Variants in CYSLTR2 observed in about 807,000 individuals in gnomAD.
The protein encoded by CYSLTR2 is cysteinyl leukotriene receptor 2, also known as G-protein coupled receptor GPCR21.
For synonymous variants in CYSLTR2, 179 were observed against 160.8 expected, an observed-to-expected ratio of 1.11 and a Z score of -0.86; for missense variants, 398 against 411.9, an observed-to-expected ratio of 0.97 and a Z score of 0.29.
chr13:48,690,716 T>C (rs535365372), intron 1 of CYSLTR2, among the ~76,000 whole-genome samples: 2 of 152,314 alleles, frequency 1.3e-5, no homozygotes, highest in East Asian at 3.9e-4. Flanking sequence ...TGAAATTTTC[T>C]TTTTTTGTTG....
intron 1 of CYSLTR2, among the ~76,000 whole-genome samples, chr13:48,685,039 T>C (rs1342974630): frequency 6.6e-6 from 1 of 152,334 alleles, no homozygotes; most frequent in African/African-American, 2.4e-5. Flanking sequence ...ATTAGTCCAT[T>C]CTCACACTGC....
intron 1 of CYSLTR2, among the ~76,000 whole-genome samples, chr13:48,666,361 T>C (rs1239175461): frequency 6.6e-6 from 1 of 152,176 alleles, no homozygotes; most frequent in African/African-American, 2.4e-5. Context: ...ACAGTGTAAG[T>C]GTAATGTGAC....
At chr13:48,682,604 A>G (rs1401393072) in intron 1 of CYSLTR2, among the ~76,000 whole-genome samples, 3 of 152,168 alleles carry the variant, frequency 2.0e-5, no homozygotes, top group Non-Finnish European at 2.9e-5. Flanking sequence ...GTCAACTCAG[A>G]AATAGGTTTG....
At chr13:48,680,058 T>G (rs1953707384) in intron 1 of CYSLTR2, among the ~76,000 whole-genome samples, 1 of 152,234 alleles carries the variant, frequency 6.6e-6, no homozygotes, top group African/African-American at 2.4e-5. Flanking sequence ...TGATGCAAAG[T>G]GCACCAACCT....
intron 4 of CYSLTR2, among the ~76,000 whole-genome samples, chr13:48,697,912 T>G (rs187668891): frequency 1.4e-3 from 209 of 152,180 alleles, no homozygotes; most frequent in African/African-American, 4.7e-3. Flanking sequence ...GGAAGAAAGG[T>G]TATCAGTGAT....
At chr13:48,706,769 A>C in intron 4 of CYSLTR2, 48 bp from the exon 5 acceptor site, 1 of 1,450,262 alleles carries the variant, frequency 6.9e-7, no homozygotes, top group Non-Finnish European at 9.5e-7. Context: ...AGAAGGAAAA[A>C]GGGAAATTCA....
chr13:48,696,903 C>T (rs1290221720), intron 4 of CYSLTR2, among the ~76,000 whole-genome samples: 3 of 152,254 alleles, frequency 2.0e-5, no homozygotes, highest in Non-Finnish European at 2.9e-5. Flanking sequence ...CACGGAGCCT[C>T]GCTCACTGCT....
At chr13:48,660,649 G>A (rs2138808688) in intron 1 of CYSLTR2, among the ~76,000 whole-genome samples, 1 of 152,140 alleles carries the variant, frequency 6.6e-6, no homozygotes, top group Middle Eastern at 3.4e-3. Context: ...CTGTGTTTCT[G>A]TTTTGATCTC....
chr13:48,707,896 T>A lies in CYSLTR2; in HGVS notation c.*38T>A. On this transcript the variant is annotated 3_prime_UTR_variant, in exon 5 of 5. Coordinates refer to ENST00000682523, the MANE Select transcript of CYSLTR2 (RefSeq NM_001308476.3). The stretch of plus-strand genomic sequence containing the variant: ...TGAGACCTGTTCTTGTATCCTTGTG[T>A]CCATCTTCATTCACTCATAGTCTCC... The A allele has an allele frequency of 6.9e-7, 1 of 1,452,930 alleles. No homozygotes were observed. Among genetic ancestry groups the A allele is most frequent in the African/African-American group, 1.4e-5 (1 of 70,758 alleles). 90.0% of individuals were successfully genotyped at this position (1,452,930 alleles called of 1,614,324 possible). A position where few individuals can be genotyped will look rare whatever the true frequency, so the allele number is the denominator to read the frequency against.
Position 48,707,802 on chromosome 13 carries a change from A to C in CYSLTR2, c.985A>C (p.Lys329Gln). The C allele has an allele frequency of 3.2e-6, 5 of 1,556,036 alleles. No homozygotes were observed. Among genetic ancestry groups the C allele is most frequent in the Non-Finnish European group, 4.3e-6 (5 of 1,152,626 alleles). The change falls in exon 5 of 5, where the codon AAG becomes CAG. Residue 329 changes from lysine to glutamine, a missense_variant. Lys to Gln is a moderately conservative substitution (Grantham distance 53). Transcript: ENST00000682523. ...CAGAAAAGGCCATCCACAGAAGGCAAAGACAAAGTGTGTTTTCCCTGTTAG... is the reference window on the plus strand; with the variant it reads ...CAGAAAAGGCCATCCACAGAAGGCACAGACAAAGTGTGTTTTCCCTGTTAG... ...ALRKGHPQKA[K>Q]TKCVFPVSVW... is the part of the protein sequence containing the mutation.
chr13:48,684,632 A>G (rs1333538141), intron 1 of CYSLTR2, among the ~76,000 whole-genome samples: 1 of 152,032 alleles, frequency 6.6e-6, no homozygotes, highest in Non-Finnish European at 1.5e-5. Flanking sequence ...ATATAATACA[A>G]CAACTCTATG....
At chr13:48,667,850 G>A (rs1329886232) in intron 1 of CYSLTR2, among the ~76,000 whole-genome samples, 1 of 152,160 alleles carries the variant, frequency 6.6e-6, no homozygotes, top group Non-Finnish European at 1.5e-5. Flanking sequence ...CAGATTGCAG[G>A]GTGGGGTATT....
At chr13:48,687,772 A>G (rs1344396166) in intron 1 of CYSLTR2, among the ~76,000 whole-genome samples, 1 of 152,198 alleles carries the variant, frequency 6.6e-6, no homozygotes, top group Non-Finnish European at 1.5e-5. Flanking sequence ...AAACAACTGA[A>G]ATTCTCTAAC....
At chr13:48,690,139 AAGG>A (rs948772301) in intron 1 of CYSLTR2, among the ~76,000 whole-genome samples, 1 of 151,934 alleles carries the variant, frequency 6.6e-6, no homozygotes. Context: ...TGCTTTGCTG[AAGG>A]AGTTTTTGGG....
At chr13:48,694,052 G>C (rs1954103163) in intron 3 of CYSLTR2, among the ~76,000 whole-genome samples, 1 of 152,180 alleles carries the variant, frequency 6.6e-6, no homozygotes, top group Non-Finnish European at 1.5e-5. Flanking sequence ...GCAGTTTTAG[G>C]TTGAGTGGAG....
At chr13:48,699,503 G>A (rs1480057468) in intron 4 of CYSLTR2, among the ~76,000 whole-genome samples, 4 of 152,200 alleles carry the variant, frequency 2.6e-5, no homozygotes, top group Non-Finnish European at 5.9e-5. Flanking sequence ...CAGAATCTCT[G>A]GGACAATTTA....
intron 1 of CYSLTR2, among the ~76,000 whole-genome samples, chr13:48,683,006 T>A (rs957488874): frequency 7.0e-4 from 107 of 152,198 alleles, no homozygotes; most frequent in African/African-American, 2.4e-3. Context: ...TATGTAAGTT[T>A]GCTAAGGATA....
chr13:48,697,112 A>G (rs1299961334), intron 4 of CYSLTR2, among the ~76,000 whole-genome samples: 3 of 152,178 alleles, frequency 2.0e-5, no homozygotes, highest in South Asian at 4.1e-4. Context: ...AAGGCAGCAG[A>G]AACTTCTGCA....
chr13:48,669,518 A>G (rs1953361661), intron 1 of CYSLTR2, among the ~76,000 whole-genome samples: 1 of 152,092 alleles, frequency 6.6e-6, no homozygotes, highest in African/African-American at 2.4e-5. Flanking sequence ...ATGAGTGAGA[A>G]CATAATGGTG....
Sources: gnomAD v4.1 joint callset for allele counts (sites outside exome capture counted in the v4.1 genomes callset) on GRCh38, gnomAD v4.1.1 for gene constraint, MANE v1.5 for transcripts, NCBI Gene and HGNC (gene_info 2026-07-23, HGNC 2026-07-21) for gene names.